The following CNTN4 variants were observed in gnomAD, a reference collection of about 807,000 sequenced individuals.
CNTN4 encodes contactin 4.
In CNTN4, 77 loss-of-function variants were observed where a neutral mutation model predicts 122.5. The observed-to-expected ratio is 0.63, with a 90% CI of 0.52 to 0.76. CNTN4 has a LOEUF of 0.76. Among genes scored for constraint, CNTN4 ranks in the 30% least tolerant of loss-of-function variants. CNTN4 has a pLI of 0.00. For synonymous variants in CNTN4, 512 were observed against 447.0 expected, an observed-to-expected ratio of 1.15 and a Z score of -1.83; for missense variants, 1,256 against 1,259.1, an observed-to-expected ratio of 1.00 and a Z score of 0.04.
chr3:2,837,089 G>C (rs936875762), intron 7 of CNTN4, among the ~76,000 whole-genome samples: 1 of 152,186 alleles, frequency 6.6e-6, no homozygotes, highest in Non-Finnish European at 1.5e-5. Context: ...GAAAATATAT[G>C]TAACAAAAAT....
rs150472963 is a variant in CNTN4, at chr3:2,113,912, A to G, written c.-145+13273A>G. On this transcript the variant is annotated intron_variant, in intron 2 of 24. Transcript: ENST00000418658. Reference sequence around the variant, plus strand: ...ATCACATCTACCATCCCACTCATCAATGTGATTGGTCAGTCTTTGCTGAGG... The same window carrying G: ...ATCACATCTACCATCCCACTCATCAGTGTGATTGGTCAGTCTTTGCTGAGG... Among the ~76,000 whole-genome samples the G allele has an allele frequency of 4.5e-3, 684 of 152,248 alleles. 4 individuals carry two copies. The highest frequency in any genetic ancestry group is 0.016 in the African/African-American group (654 of 41,544).
At chr3:2,512,536 A>G (rs927453679) in intron 3 of CNTN4, among the ~76,000 whole-genome samples, 14 of 152,226 alleles carry the variant, frequency 9.2e-5, no homozygotes, top group African/African-American at 1.9e-4. Flanking sequence ...TGCCTTAGTG[A>G]AATTAAAGAT....
chr3:3,027,141 G>A (rs1698795590), intron 15 of CNTN4, among the ~76,000 whole-genome samples: 1 of 152,264 alleles, frequency 6.6e-6, no homozygotes, highest in East Asian at 1.9e-4. Flanking sequence ...TATAGTGAGA[G>A]CATATTTTCC....
chr3:2,489,729 A>G (rs1183295974), intron 3 of CNTN4, among the ~76,000 whole-genome samples: 1 of 152,208 alleles, frequency 6.6e-6, no homozygotes, highest in Non-Finnish European at 1.5e-5. Context: ...GCTTCTGCTT[A>G]GAATAAGCCA....
At chr3:2,892,882 A>G (rs2094060106) in intron 10 of CNTN4, among the ~76,000 whole-genome samples, 1 of 152,224 alleles carries the variant, frequency 6.6e-6, no homozygotes, top group South Asian at 2.1e-4. Context: ...CAGAGATACA[A>G]AATAACTTAT....
chr3:2,799,995 T>C (rs1341237366), intron 6 of CNTN4, among the ~76,000 whole-genome samples: 1 of 152,088 alleles, frequency 6.6e-6, no homozygotes, highest in African/African-American at 2.4e-5. Context: ...GATCTATGTG[T>C]CTATTTTTAT....
intron 2 of CNTN4, among the ~76,000 whole-genome samples, chr3:2,136,413 C>T (rs759923702): frequency 2.0e-4 from 31 of 152,240 alleles, no homozygotes; most frequent in Admixed American, 5.2e-4. Context: ...TTAGGAGAAA[C>T]TGTCCAATTA....
intron 3 of CNTN4, among the ~76,000 whole-genome samples, chr3:2,427,476 A>G (rs978587950): frequency 2.0e-5 from 3 of 152,170 alleles, no homozygotes; most frequent in African/African-American, 7.2e-5. Context: ...TTTGCTGAGG[A>G]GTTCTTTACT....
At chr3:3,047,484 C>T (rs544096535) in intron 23 of CNTN4, among the ~76,000 whole-genome samples, 11,781 of 148,972 alleles carry the variant, frequency 0.079, 559 homozygotes, top group Admixed American at 0.096. Context: ...CACTCAAAAC[C>T]GCTCAACTAC....
chr3:2,574,314 C>G (rs1339298786), intron 4 of CNTN4, among the ~76,000 whole-genome samples: 2 of 152,094 alleles, frequency 1.3e-5, no homozygotes, highest in African/African-American at 4.8e-5. Flanking sequence ...GCTGAGGTTT[C>G]TTGGTGAGTT....
chr3:2,408,038 G>A (rs536488049), intron 3 of CNTN4, among the ~76,000 whole-genome samples: 3 of 152,268 alleles, frequency 2.0e-5, no homozygotes, highest in South Asian at 2.1e-4. Flanking sequence ...TGTGTCAAAC[G>A]TTGTTTTAAG....
At position 2,579,535 on chromosome 3, in the gene CNTN4, C is replaced by CTT. The variant is rs11129200; in HGVS notation, c.55+7987_55+7988dup. Among the ~76,000 whole-genome samples the CTT allele has an allele frequency of 5.3e-5, 8 of 150,218 alleles. No homozygotes were observed. The South Asian group carries it at 1.5e-3, about 28-fold the overall frequency. On this transcript the variant is annotated intron_variant, in intron 4 of 24. Coordinates refer to ENST00000418658, the MANE Select transcript of CNTN4 (RefSeq NM_175607.3). ...CATCATCTCCCTAGGTCATGGGTTTCTTTTTTTTTTTATCTGTAAAACAGG... is the reference window on the plus strand; with the variant it reads ...CATCATCTCCCTAGGTCATGGGTTTCTTTTTTTTTTTTTATCTGTAAAACAGG...
chr3:2,784,985 T>C (rs1490780502), intron 6 of CNTN4, among the ~76,000 whole-genome samples: 6 of 152,148 alleles, frequency 3.9e-5, no homozygotes, highest in Non-Finnish European at 7.3e-5. Flanking sequence ...TTGGATATAC[T>C]CTGAAAACTT....
At chr3:2,740,561 A>G (rs1162553131) in intron 5 of CNTN4, among the ~76,000 whole-genome samples, 1 of 152,236 alleles carries the variant, frequency 6.6e-6, no homozygotes, top group Admixed American at 6.5e-5. Context: ...CTAAAGTAAT[A>G]ATATCACTTT....
chr3:2,573,974 T>C (rs1264930393), intron 4 of CNTN4, among the ~76,000 whole-genome samples: 4 of 152,184 alleles, frequency 2.6e-5, no homozygotes, highest in Non-Finnish European at 5.9e-5. Context: ...CCCAACAGTT[T>C]GGGAGGCCGA....
chr3:2,313,841 C>T (rs1484808310), intron 2 of CNTN4, among the ~76,000 whole-genome samples: 1 of 151,698 alleles, frequency 6.6e-6, no homozygotes, highest in Non-Finnish European at 1.5e-5. Flanking sequence ...ATAAAGGATG[C>T]TTCCCTTATA....
At chr3:2,327,153 T>TGTGTTTG (rs1559455687) in intron 2 of CNTN4, among the ~76,000 whole-genome samples, 45,199 of 113,680 alleles carry the variant, frequency 0.4, 6,863 homozygotes, top group Admixed American at 0.47. Context: ...GTGTGTGTGT[T>TGTGTTTG]TGTGTGTGTG....
chr3:2,099,435 T>C (rs2031704516), intron 1 of CNTN4: 1 of 152,536 alleles, frequency 6.6e-6, no homozygotes, highest in South Asian at 2.1e-4. Flanking sequence ...GCGGGGCTTT[T>C]CTTCTGACAG....
At chr3:2,956,009 T>C (rs2094795852) in intron 13 of CNTN4, among the ~76,000 whole-genome samples, 1 of 152,182 alleles carries the variant, frequency 6.6e-6, no homozygotes. Flanking sequence ...ATTGCAGCAT[T>C]ATGCATAATA....
Sources: allele counts gnomAD v4.1 joint callset (sites outside exome capture counted in the v4.1 genomes callset), GRCh38; gene constraint gnomAD v4.1.1; transcripts MANE v1.5; gene names NCBI Gene and HGNC (gene_info 2026-07-23, HGNC 2026-07-21).